SLC44A1: variants seen among roughly 807,000 people sequenced by gnomAD.
SLC44A1 encodes the protein solute carrier family 44 member 1, also known as choline transporter-like protein 1.
A neutral mutation model predicts 79.3 loss-of-function variants in SLC44A1; 26 were observed. That is an observed-to-expected ratio of 0.33 (90% CI 0.24 to 0.46). The LOEUF is 0.46. SLC44A1 is among the 20% of genes least tolerant of loss of function. The pLI is 1.00. For synonymous variants in SLC44A1, 263 were observed against 286.2 expected, an observed-to-expected ratio of 0.92 and a Z score of 0.82; for missense variants, 688 against 798.1, an observed-to-expected ratio of 0.86 and a Z score of 1.66.
At chr9:105,417,851 AAAAAAAAAC>A (rs1829191815) in intron 15 of SLC44A1, among the ~76,000 whole-genome samples, 1 of 151,640 alleles carries the variant, frequency 6.6e-6, no homozygotes, top group Admixed American at 6.6e-5. Flanking sequence ...AAAAAAAAAA[AAAAAAAAAC>A]AATTTAATTA....
At chr9:105,361,155 A>G (rs778549608) in intron 7 of SLC44A1, 36 bp from the exon 8 acceptor site, 5 of 1,602,348 alleles carry the variant, frequency 3.1e-6, no homozygotes, top group Non-Finnish European at 4.3e-6. Context: ...TTCTTATCCT[A>G]ATTATTGCAT....
intron 2 of SLC44A1, among the ~76,000 whole-genome samples, chr9:105,301,061 C>T (rs1438800910): frequency 6.6e-6 from 1 of 152,200 alleles, no homozygotes; most frequent in Non-Finnish European, 1.5e-5. Context: ...TGAGCCACCG[C>T]ACCCTGCCAT....
chr9:105,332,174 C>T (rs1390708260), intron 3 of SLC44A1, among the ~76,000 whole-genome samples: 4 of 140,442 alleles, frequency 2.8e-5, no homozygotes, highest in Admixed American at 7.6e-5. Context: ...GGCTGGAGTG[C>T]GGTGGTGCGA....
intron 1 of SLC44A1, among the ~76,000 whole-genome samples, chr9:105,290,040 T>C (rs1461448191): frequency 6.6e-6 from 1 of 152,138 alleles, no homozygotes; most frequent in African/African-American, 2.4e-5. Context: ...GGTCTCGAAC[T>C]CCTGACCTCA....
chr9:105,274,508 T>G (rs1437169966), intron 1 of SLC44A1, among the ~76,000 whole-genome samples: 1 of 152,238 alleles, frequency 6.6e-6, no homozygotes, highest in African/African-American at 2.4e-5. Flanking sequence ...CAGTCCACAC[T>G]GACCACCTCC....
At chr9:105,287,636 T>C (rs975841271) in intron 1 of SLC44A1, among the ~76,000 whole-genome samples, 11 of 152,192 alleles carry the variant, frequency 7.2e-5, no homozygotes, top group Admixed American at 3.9e-4. Context: ...CTGAAAACAA[T>C]GCATGCTATA....
chr9:105,342,987 AAT>A (rs66472633), intron 4 of SLC44A1, among the ~76,000 whole-genome samples: 2,617 of 146,052 alleles, frequency 0.018, 29 homozygotes, highest in Non-Finnish European at 0.023. Context: ...AAAAAAAAAA[AAT>A]ATATATATAT....
At position 105,385,477 on chromosome 9, in the gene SLC44A1, C is replaced by A; in HGVS notation, c.1925C>A (p.Ala642Asp). 1 of 1,582,666 alleles carries A rather than the reference C, an allele frequency of 6.3e-7. No homozygotes were observed. The highest frequency in any genetic ancestry group is 8.6e-7 in the Non-Finnish European group (1 of 1,163,906). ...AMKEAGKGGVADSRELKPMAS... is the reference protein window; with the variant it reads ...AMKEAGKGGVDDSRELKPMAS... ...AAAGAAGCTGGTAAGGGAGGCGTCG[C>A]TGATTCCAGAGAGCTAAAGCCGATG... Residue 642 changes from alanine to aspartate, a missense_variant, in exon 15 of 16, where the codon GCT becomes GAT. Transcript: ENST00000374720.
intron 4 of SLC44A1, among the ~76,000 whole-genome samples, chr9:105,339,042 C>A (rs955198722): frequency 1.3e-5 from 2 of 152,158 alleles, no homozygotes; most frequent in Non-Finnish European, 2.9e-5. Flanking sequence ...GCAATAATTT[C>A]TTGGATGGTA....
At chr9:105,383,079 C>T in intron 13 of SLC44A1, 44 bp from the exon 14 acceptor site, 2 of 1,387,866 alleles carry the variant, frequency 1.4e-6, no homozygotes, top group Non-Finnish European at 2.0e-6. Context: ...GAGTGGCTTT[C>T]TTCAGTAGGA....
chr9:105,391,532 A>C lies in SLC44A1; in HGVS notation c.*2476A>C. On this transcript the variant is annotated 3_prime_UTR_variant, in exon 16 of 16. Coordinates refer to ENST00000374720, the MANE Select transcript of SLC44A1 (RefSeq NM_080546.5). Reference sequence around the variant, plus strand: ...GCAGATATGCATTACACAGGCACACACAGAGAGATATTTAATATGTGGAAT... The same window carrying C: ...GCAGATATGCATTACACAGGCACACCCAGAGAGATATTTAATATGTGGAAT... 1 of 985,606 alleles carries C rather than the reference A, an allele frequency of 1.0e-6. No individual in the cohort carries two copies. Among genetic ancestry groups the C allele is most frequent in the Non-Finnish European group, 1.2e-6 (1 of 829,896 alleles). 61.1% of individuals were successfully genotyped at this position (985,606 alleles called of 1,614,324 possible). A position where few individuals can be genotyped will look rare whatever the true frequency, so the allele number is the denominator to read the frequency against.
At chr9:105,430,296 A>G (rs543931343) in intron 15 of SLC44A1, among the ~76,000 whole-genome samples, 6 of 152,338 alleles carry the variant, frequency 3.9e-5, no homozygotes, top group Admixed American at 3.3e-4. Flanking sequence ...TTAACATATC[A>G]TAACACTGAC....
At chr9:105,408,386 TTTTG>T (rs1197178688) in intron 15 of SLC44A1, among the ~76,000 whole-genome samples, 5 of 150,352 alleles carry the variant, frequency 3.3e-5, no homozygotes, top group African/African-American at 1.3e-4. Flanking sequence ...TTATTGTATT[TTTTG>T]TTTGTCACTC....
chr9:105,381,984 T>C (rs910344785), intron 13 of SLC44A1, among the ~76,000 whole-genome samples: 1 of 152,176 alleles, frequency 6.6e-6, no homozygotes, highest in Non-Finnish European at 1.5e-5. Context: ...ACTTAAAGCC[T>C]TATACAAGAC....
intron 15 of SLC44A1, among the ~76,000 whole-genome samples, chr9:105,388,135 A>G (rs141594018): frequency 1.1e-3 from 166 of 152,288 alleles, no homozygotes; most frequent in African/African-American, 3.8e-3. Context: ...GATGTTTTAA[A>G]TGGTTAAAAA....
downstream of SLC44A1, among the ~76,000 whole-genome samples, chr9:105,398,301 T>C (rs542994221): frequency 1.1e-4 from 17 of 152,330 alleles, no homozygotes; most frequent in African/African-American, 3.6e-4. Context: ...TAAACTGCCT[T>C]TTATTAGCAA....
chr9:105,385,611 A>G (rs1321992103), intron 15 of SLC44A1, 109 bp downstream of exon 15: 6 of 1,505,280 alleles, frequency 4.0e-6, no homozygotes, highest in African/African-American at 2.8e-5. Context: ...TGTTATCTGT[A>G]TCACGCAGGA....
chr9:105,400,860 A>C (rs374007037), downstream of SLC44A1, among the ~76,000 whole-genome samples: 4 of 152,324 alleles, frequency 2.6e-5, no homozygotes, highest in South Asian at 8.3e-4. Flanking sequence ...CAAAGGGTTA[A>C]TTTTTATAGA....
At chr9:105,249,221 A>G (rs1293963849) in intron 1 of SLC44A1, among the ~76,000 whole-genome samples, 3 of 152,248 alleles carry the variant, frequency 2.0e-5, no homozygotes, top group Non-Finnish European at 2.9e-5. Context: ...TAATATTTGC[A>G]TATGCTAACT....
Sources: gnomAD v4.1 joint callset for allele counts (sites outside exome capture counted in the v4.1 genomes callset) on GRCh38, gnomAD v4.1.1 for gene constraint, MANE v1.5 for transcripts, NCBI Gene and HGNC (gene_info 2026-07-23, HGNC 2026-07-21) for gene names.